Variants in USP10 observed in about 807,000 individuals in gnomAD.
The protein encoded by USP10 is ubiquitin specific peptidase 10, also known as ubiquitin carboxyl-terminal hydrolase 10.
A neutral mutation model predicts 84.5 loss-of-function variants in USP10; 22 were observed. That is an observed-to-expected ratio of 0.26 (90% confidence interval 0.19 to 0.37). The LOEUF (loss-of-function observed/expected upper bound fraction) is 0.37. USP10 is among the 10% of genes least tolerant of loss of function. The pLI is 1.00. For missense variants in USP10, 1,019 were observed against 998.9 expected (o/e 1.02, Z -0.27); for synonymous variants, 454 against 387.6 (o/e 1.17, Z -2.01).
At chr16:84,729,044 C>T (rs1055546920) in intron 1 of USP10, among the ~76,000 whole-genome samples, 10 of 151,562 alleles carry the variant, frequency 6.6e-5, no homozygotes, top group Non-Finnish European at 1.0e-4. Context: ...GTGATCTGCT[C>T]GCCTCGGCTT....
At chr16:84,705,230 TTTTG>T (rs1905320510) in intron 1 of USP10, among the ~76,000 whole-genome samples, 1 of 151,228 alleles carries the variant, frequency 6.6e-6, no homozygotes, top group African/African-American at 2.4e-5. Flanking sequence ...GCCTTGTTTT[TTTTG>T]TTTGTTTTTT....
At chr16:84,703,007 A>AAAAAAAAAAAAAAC (rs1418017921) in intron 1 of USP10, among the ~76,000 whole-genome samples, 1 of 150,518 alleles carries the variant, frequency 6.6e-6, no homozygotes, top group Non-Finnish European at 1.5e-5. Context: ...AAAAAAAAAA[A>AAAAAAAAAAAAAAC]AAAAAAGAGC....
chr16:84,759,375 T>C lies in USP10; in HGVS notation c.1297T>C (p.Leu433=), dbSNP rs1430543831. Residue 433 remains leucine, a synonymous_variant, in exon 6 of 14, where the codon TTG becomes CTG. Transcript: ENST00000219473. ...WCYINATLQA[L]VACPPMYHLM... ...TGCCACTACATAGACACTGCAGGCA[T>C]TGGTTGCTTGCCCGCCGATGTACCA... The C allele has an allele frequency of 1.9e-6, 3 of 1,613,992 alleles. No homozygotes were observed. Among genetic ancestry groups the C allele is most frequent in the African/African-American group, 1.3e-5 (1 of 75,048 alleles).
At chr16:84,751,986 T>G (rs747789445) in intron 4 of USP10, among the ~76,000 whole-genome samples, 1 of 152,160 alleles carries the variant, frequency 6.6e-6, no homozygotes, top group Non-Finnish European at 1.5e-5. Flanking sequence ...TGGGCTGATT[T>G]GTGGCAGCCC....
chr16:84,771,151 G>A (rs751079997), intron 11 of USP10, among the ~76,000 whole-genome samples: 2 of 152,128 alleles, frequency 1.3e-5, no homozygotes, highest in Non-Finnish European at 2.9e-5. Context: ...TTGTAAAGAT[G>A]CATCTTAGTG....
intron 1 of USP10, chr16:84,716,185 C>G (rs191111477): frequency 3.3e-5 from 5 of 152,496 alleles, no homozygotes; most frequent in African/African-American, 7.2e-5. Flanking sequence ...TCCCCCCTCT[C>G]CTTTTCCAGA....
intron 1 of USP10, chr16:84,704,950 A>T: frequency 6.6e-7 from 1 of 1,523,912 alleles, no homozygotes; most frequent in Non-Finnish European, 8.8e-7. Flanking sequence ...AATTGTTAGG[A>T]GAATGTGCAT....
At chr16:84,702,883 C>A (rs1393541102) in intron 1 of USP10, among the ~76,000 whole-genome samples, 1 of 148,884 alleles carries the variant, frequency 6.7e-6, no homozygotes, top group African/African-American at 2.5e-5. Context: ...GTCCCAGGTA[C>A]TTGGGAGGCT....
intron 2 of USP10, among the ~76,000 whole-genome samples, chr16:84,734,779 G>A (rs1476446994): frequency 2.6e-5 from 4 of 152,064 alleles, no homozygotes; most frequent in South Asian, 2.1e-4. Context: ...TTGTTTTCAC[G>A]CTTCAGTGTG....
intron 10 of USP10, among the ~76,000 whole-genome samples, chr16:84,764,788 C>G (rs555840745): frequency 6.6e-6 from 1 of 151,142 alleles, no homozygotes; most frequent in Non-Finnish European, 1.5e-5. Context: ...CCAGATAGCG[C>G]CATTGCACTC....
At chr16:84,760,354 A>T in intron 8 of USP10, 79 bp downstream of exon 8, 1 of 1,281,180 alleles carries the variant, frequency 7.8e-7, no homozygotes. Context: ...TTGCTTATTG[A>T]TATTTGCCCT....
intron 1 of USP10, among the ~76,000 whole-genome samples, chr16:84,707,047 ATTT>A (rs1010778561): frequency 6.6e-6 from 1 of 152,160 alleles, no homozygotes; most frequent in African/African-American, 2.4e-5. Flanking sequence ...TATTATAACC[ATTT>A]TACAGATGAG....
At position 84,767,931 on chromosome 16, in the gene USP10, C is replaced by T. The variant is rs972154149; in HGVS notation, c.1833-262C>T. On this transcript the variant is annotated intron_variant, in intron 10 of 13. Coordinates refer to ENST00000219473, the MANE Select transcript of USP10 (RefSeq NM_005153.3). Reference sequence around the variant, plus strand: ...CTAGGCAGAGGACCCTGCGGCCTTCCGCAGTGTTTGTGTCCCTGATTACTT... The same window carrying T: ...CTAGGCAGAGGACCCTGCGGCCTTCTGCAGTGTTTGTGTCCCTGATTACTT... Among the ~76,000 whole-genome samples, 16 of 152,194 alleles carry T rather than the reference C, an allele frequency of 1.1e-4. 1 individual carries two copies. Among genetic ancestry groups the T allele is most frequent in the Admixed American group, 5.2e-4 (8 of 15,300 alleles).
chr16:84,730,103 A>T (rs1909013885), intron 1 of USP10, among the ~76,000 whole-genome samples: 1 of 152,160 alleles, frequency 6.6e-6, no homozygotes, highest in Non-Finnish European at 1.5e-5. Flanking sequence ...ACGTGCTAGG[A>T]AATCCCCTCC....
intron 4 of USP10, among the ~76,000 whole-genome samples, chr16:84,752,351 A>C (rs911650068): frequency 5.3e-5 from 8 of 152,258 alleles, no homozygotes; most frequent in African/African-American, 1.7e-4. Context: ...ATTAGAGCCA[A>C]CTTCTATTAT....
At chr16:84,758,380 A>C (rs952182456) in intron 4 of USP10, among the ~76,000 whole-genome samples, 1 of 152,184 alleles carries the variant, frequency 6.6e-6, no homozygotes, top group African/African-American at 2.4e-5. Flanking sequence ...TAAGGAAGAA[A>C]GGCTGTATCT....
intron 2 of USP10, among the ~76,000 whole-genome samples, chr16:84,737,753 C>G: frequency 6.6e-6 from 1 of 152,186 alleles, no homozygotes; most frequent in Non-Finnish European, 1.5e-5. Context: ...GCCTGGCTTC[C>G]TCATCTGTCA....
chr16:84,710,792 G>C (rs1906181630), intron 1 of USP10, among the ~76,000 whole-genome samples: 1 of 152,202 alleles, frequency 6.6e-6, no homozygotes. Context: ...GTGCCACCAA[G>C]AGACACTGAG....
intron 11 of USP10, among the ~76,000 whole-genome samples, chr16:84,769,019 CTATTT>C (rs1209199965): frequency 3.9e-5 from 6 of 152,148 alleles, no homozygotes; most frequent in Non-Finnish European, 8.8e-5. Context: ...CAGCTTATAG[CTATTT>C]TGTACTCTGC....
Sources: allele counts gnomAD v4.1 joint callset (sites outside exome capture counted in the v4.1 genomes callset), GRCh38; gene constraint gnomAD v4.1.1; transcripts MANE v1.5; gene names NCBI Gene and HGNC (gene_info 2026-07-23, HGNC 2026-07-21).